Variants in RAB7A observed in about 807,000 individuals in gnomAD.
RAB7A encodes ras-related protein Rab-7a.
In RAB7A, 2 loss-of-function variants were observed where a neutral mutation model predicts 24.5. That is an observed-to-expected ratio of 0.08 (90% CI 0.03 to 0.26). The LOEUF is 0.26. Among genes scored for constraint, RAB7A ranks in the 10% least tolerant of loss-of-function variants. The probability of loss-of-function intolerance (pLI) is 1.00; values close to 1 mark genes in which losing one functional copy is unlikely to be tolerated. For synonymous variants in RAB7A, 100 were observed against 95.9 expected (o/e 1.04, Z -0.25); for missense variants, 118 against 255.7 (o/e 0.46, Z 3.67).
chr3:128,780,452 C>T (rs761542761), intron 1 of RAB7A, among the ~76,000 whole-genome samples: 13 of 152,280 alleles, frequency 8.5e-5, no homozygotes, highest in South Asian at 6.2e-4. Context: ...TCCAGTTTAA[C>T]ACTTACAAAG....
chr3:128,738,024 C>G (rs1262250968), intron 1 of RAB7A, among the ~76,000 whole-genome samples: 2 of 150,444 alleles, frequency 1.3e-5, no homozygotes, highest in African/African-American at 4.9e-5. Context: ...AGGATTTGTT[C>G]TTGTTTTTAT....
In RAB7A at chr3:128,813,560, A is replaced by AAC; in HGVS notation, c.*142_*143dup. On this transcript the variant is annotated 3_prime_UTR_variant, in exon 6 of 6. Transcript: ENST00000265062. ...CAGCTGCCAAAAGAAAACCCCATCA[A>AAC]ACACAGTTACACCCCACATATCTCT... 1 of 759,250 alleles carries AAC rather than the reference A, an allele frequency of 1.3e-6. No homozygotes were observed. Among genetic ancestry groups the AAC allele is most frequent in the East Asian group, 2.7e-5 (1 of 36,712 alleles). 47.0% of individuals were successfully genotyped at this position (759,250 alleles called of 1,614,324 possible). A position where few individuals can be genotyped will look rare whatever the true frequency, so the allele number is the denominator to read the frequency against.
intron 1 of RAB7A, among the ~76,000 whole-genome samples, chr3:128,743,265 G>A (rs998853192): frequency 9.9e-5 from 15 of 152,214 alleles, no homozygotes; most frequent in Non-Finnish European, 1.6e-4. Context: ...GCTGGTCCGC[G>A]AGTGCCGCGC....
At chr3:128,756,492 T>C (rs2070730538) in intron 1 of RAB7A, among the ~76,000 whole-genome samples, 1 of 152,042 alleles carries the variant, frequency 6.6e-6, no homozygotes, top group South Asian at 2.1e-4. Flanking sequence ...CTACAAAACA[T>C]TGCAAAAAGA....
At chr3:128,755,162 C>A (rs575925462) in intron 1 of RAB7A, among the ~76,000 whole-genome samples, 4 of 152,124 alleles carry the variant, frequency 2.6e-5, no homozygotes, top group African/African-American at 4.8e-5. Context: ...CAAGTATTTT[C>A]TTTGACAAAA....
intron 1 of RAB7A, among the ~76,000 whole-genome samples, chr3:128,753,053 A>G (rs751955661): frequency 2.6e-5 from 4 of 152,182 alleles, no homozygotes; most frequent in Admixed American, 1.3e-4. Context: ...GGAGAGGAGG[A>G]TATCTATTAT....
chr3:128,759,603 C>T (rs907584303), intron 1 of RAB7A, among the ~76,000 whole-genome samples: 5 of 152,206 alleles, frequency 3.3e-5, no homozygotes, highest in East Asian at 1.9e-4. Flanking sequence ...TTAACACTTC[C>T]TCCTCAGCCT....
chr3:128,758,974 G>T (rs2107595241), intron 1 of RAB7A, among the ~76,000 whole-genome samples: 1 of 152,330 alleles, frequency 6.6e-6, no homozygotes, highest in South Asian at 2.1e-4. Context: ...TCAGGCTTTG[G>T]TTGAGTAGTA....
chr3:128,759,732 G>A (rs966141362), intron 1 of RAB7A, among the ~76,000 whole-genome samples: 21 of 151,370 alleles, frequency 1.4e-4, no homozygotes, highest in African/African-American at 4.9e-4. Flanking sequence ...TTTCTGAGAC[G>A]GAGTTTCGCT....
intron 1 of RAB7A, among the ~76,000 whole-genome samples, chr3:128,734,019 G>A (rs1302788876): frequency 1.3e-5 from 2 of 152,196 alleles, no homozygotes; most frequent in African/African-American, 2.4e-5. Context: ...CCATGGTACA[G>A]CTTGTTTACT....
chr3:128,800,620 G>T (rs1018837036), intron 3 of RAB7A, among the ~76,000 whole-genome samples: 3 of 152,202 alleles, frequency 2.0e-5, no homozygotes, highest in Non-Finnish European at 4.4e-5. Flanking sequence ...CTTAAAAATA[G>T]ACTGAGGAAA....
chr3:128,803,350 C>T (rs971248945), intron 3 of RAB7A, among the ~76,000 whole-genome samples: 1 of 151,772 alleles, frequency 6.6e-6, no homozygotes, highest in Non-Finnish European at 1.5e-5. Flanking sequence ...AAGAACAAAC[C>T]ACACAAGCAG....
chr3:128,781,337 G>A (rs1340628925), intron 1 of RAB7A, among the ~76,000 whole-genome samples: 1 of 152,164 alleles, frequency 6.6e-6, no homozygotes, highest in Non-Finnish European at 1.5e-5. Flanking sequence ...ATTTGTGGAG[G>A]ATTCTCATTT....
At chr3:128,747,189 G>A (rs1257791578) in intron 1 of RAB7A, among the ~76,000 whole-genome samples, 2 of 151,572 alleles carry the variant, frequency 1.3e-5, no homozygotes, top group Non-Finnish European at 1.5e-5. Context: ...CTACTTGTGA[G>A]GATCAGGCAA....
intron 1 of RAB7A, among the ~76,000 whole-genome samples, chr3:128,756,656 C>T (rs2070731922): frequency 6.6e-6 from 1 of 152,002 alleles, no homozygotes; most frequent in Non-Finnish European, 1.5e-5. Flanking sequence ...AAAATCCATC[C>T]TAACATGGAT....
chr3:128,747,967 C>T (rs1356911410), intron 1 of RAB7A, among the ~76,000 whole-genome samples: 1 of 152,110 alleles, frequency 6.6e-6, no homozygotes. Context: ...GAGGTTTCAC[C>T]ATGTTGGCCA....
At chr3:128,805,683 G>A (rs76610941) in intron 3 of RAB7A, among the ~76,000 whole-genome samples, 6,317 of 151,610 alleles carry the variant, frequency 0.042, 180 homozygotes, top group Non-Finnish European at 0.058. Flanking sequence ...ACAGAGTTTC[G>A]CTCTTATCAC....
chr3:128,738,230 G>A (rs1282468470), intron 1 of RAB7A, among the ~76,000 whole-genome samples: 1 of 151,790 alleles, frequency 6.6e-6, no homozygotes, highest in African/African-American at 2.4e-5. Flanking sequence ...CAGGGTCTTG[G>A]CCATATTGCC....
At chr3:128,744,315 A>G (rs555579059) in intron 1 of RAB7A, among the ~76,000 whole-genome samples, 54 of 152,200 alleles carry the variant, frequency 3.5e-4, no homozygotes, top group African/African-American at 1.3e-3. Context: ...ACAATAACTG[A>G]GATGAAAACT....
Sources: allele counts gnomAD v4.1 joint callset (sites outside exome capture counted in the v4.1 genomes callset), GRCh38; gene constraint gnomAD v4.1.1; transcripts MANE v1.5; gene names NCBI Gene and HGNC (gene_info 2026-07-23, HGNC 2026-07-21).